Variants in NEK10 observed in about 807,000 individuals in gnomAD.
The protein encoded by NEK10 is NIMA related kinase 10, also known as serine/threonine-protein kinase Nek10.
Under a neutral mutation model 159.8 loss-of-function variants are expected in NEK10, and 122 were observed. That is an observed-to-expected ratio of 0.76 (90% CI 0.66 to 0.89). The LOEUF is 0.89. Among genes scored for constraint, NEK10 ranks in the 40% least tolerant of loss-of-function variants. NEK10 has a pLI of 0.00. For synonymous variants in NEK10, 466 were observed against 457.1 expected, an observed-to-expected ratio of 1.02 and a Z score of -0.25; for missense variants, 1,342 against 1,323.1, an observed-to-expected ratio of 1.01 and a Z score of -0.22.
chr3:27,325,944 T>C (rs1371004408), intron 5 of NEK10, among the ~76,000 whole-genome samples: 2 of 152,172 alleles, frequency 1.3e-5, no homozygotes, highest in African/African-American at 4.8e-5. Flanking sequence ...GACCCCTTTT[T>C]GCCAAGGGGA....
intron 6 of NEK10, among the ~76,000 whole-genome samples, chr3:27,321,645 C>T (rs2045647566): frequency 6.6e-6 from 1 of 152,166 alleles, no homozygotes; most frequent in South Asian, 2.1e-4. Context: ...CCATGCCCAA[C>T]CAGGAAAAGA....
chr3:27,136,145 C>T (rs1284204801), intron 31 of NEK10, among the ~76,000 whole-genome samples: 2 of 111,688 alleles, frequency 1.8e-5, no homozygotes, highest in South Asian at 3.1e-4. Flanking sequence ...TAGAGTCTTG[C>T]TCTGTCACCC....
At chr3:27,254,281 G>A (rs981054625) in intron 23 of NEK10, among the ~76,000 whole-genome samples, 2 of 152,050 alleles carry the variant, frequency 1.3e-5, no homozygotes, top group South Asian at 4.1e-4. Context: ...GTAGCCCAGA[G>A]AAGCCAAAAG....
intron 23 of NEK10, among the ~76,000 whole-genome samples, chr3:27,242,567 C>T (rs867354113): frequency 6.6e-6 from 1 of 152,216 alleles, no homozygotes; most frequent in Non-Finnish European, 1.5e-5. Context: ...GTCCTGTTGG[C>T]TCCTAGGGGA....
chr3:27,133,046 G>T (rs1166629180), intron 31 of NEK10, among the ~76,000 whole-genome samples: 2 of 152,150 alleles, frequency 1.3e-5, no homozygotes, highest in African/African-American at 2.4e-5. Context: ...AAAATGATGT[G>T]TGTCACTCTG....
At chr3:27,230,983 G>A (rs1466579633) in intron 23 of NEK10, among the ~76,000 whole-genome samples, 1 of 151,860 alleles carries the variant, frequency 6.6e-6, no homozygotes, top group Non-Finnish European at 1.5e-5. Context: ...AAGAAATGGT[G>A]GACTTAAACT....
chr3:27,198,204 C>G (rs1949726901), intron 25 of NEK10, among the ~76,000 whole-genome samples: 1 of 151,690 alleles, frequency 6.6e-6, no homozygotes. Context: ...CAATACTGCC[C>G]AAAGCAACTT....
At chr3:27,231,669 A>T (rs1471447936) in intron 23 of NEK10, among the ~76,000 whole-genome samples, 2 of 152,010 alleles carry the variant, frequency 1.3e-5, no homozygotes, top group Non-Finnish European at 2.9e-5. Flanking sequence ...AGACATTACA[A>T]CCAATACCAC....
At chr3:27,296,552 C>T (rs911687244) in intron 14 of NEK10, among the ~76,000 whole-genome samples, 2 of 152,114 alleles carry the variant, frequency 1.3e-5, no homozygotes, top group Admixed American at 1.3e-4. Flanking sequence ...TGTAATGACA[C>T]AACCAAAAAT....
chr3:27,296,772 A>G (rs957449177), intron 14 of NEK10, among the ~76,000 whole-genome samples: 2 of 152,188 alleles, frequency 1.3e-5, no homozygotes, highest in Admixed American at 6.5e-5. Flanking sequence ...GTTTCTTGGC[A>G]ATAAATATTT....
intron 35 of NEK10, among the ~76,000 whole-genome samples, chr3:27,112,258 T>C (rs985269266): frequency 4.6e-5 from 7 of 152,180 alleles, no homozygotes; most frequent in Non-Finnish European, 1.0e-4. Context: ...AGTCTGAAAA[T>C]GGCACCTCTC....
Position 27,111,122 on chromosome 3 carries a change from C to A in NEK10, c.*150G>T, listed in dbSNP as rs1302818822. On this transcript the variant is annotated 3_prime_UTR_variant, in exon 36 of 36. Coordinates refer to ENST00000691995, the MANE Select transcript of NEK10 (RefSeq NM_001394966.1). The stretch of plus-strand genomic sequence containing the variant: ...GCTGTCATATACTCCAGCACAGGAC[C>A]CCCAGAAAGAAGTCCTGCAGGCCCC... 1.6e-6 allele frequency: 1 copy of A among 612,586 alleles called. No individual in the cohort carries two copies. Among genetic ancestry groups the A allele is most frequent in the Non-Finnish European group, 2.8e-6 (1 of 352,418 alleles). 37.9% of individuals were successfully genotyped at this position (612,586 alleles called of 1,614,324 possible). A position where few individuals can be genotyped will look rare whatever the true frequency, so the allele number is the denominator to read the frequency against.
intron 23 of NEK10, among the ~76,000 whole-genome samples, chr3:27,235,295 C>T (rs1359069731): frequency 6.6e-6 from 1 of 152,104 alleles, no homozygotes; most frequent in African/African-American, 2.4e-5. Context: ...AGCTTCTGTA[C>T]AGCAAAAGAA....
At chr3:27,118,739 T>C (rs932868163) in intron 33 of NEK10, among the ~76,000 whole-genome samples, 8 of 152,234 alleles carry the variant, frequency 5.3e-5, no homozygotes, top group Non-Finnish European at 1.0e-4. Context: ...GTCTTGGAAA[T>C]GATTTTAAAA....
At chr3:27,174,600 A>T in intron 27 of NEK10, 50 bp downstream of exon 27, 5 of 1,597,140 alleles carry the variant, frequency 3.1e-6, no homozygotes, top group Non-Finnish European at 8.5e-7. Context: ...ATTCATGTTG[A>T]CACACTGCCA....
rs192628337 is a variant in NEK10 at position 27,297,664 on chromosome 3, G to A, written c.1169-424C>T. Among the ~76,000 whole-genome samples, 7 of 152,328 alleles carry A rather than the reference G, an allele frequency of 4.6e-5. No homozygotes were observed. The South Asian group carries it at 6.2e-4, about 14-fold the overall frequency. ...AATCCTTATAATAAGAGTATGCACTGTGATTACCACTGTTACTGGTGAGAA... is the reference window on the plus strand; with the variant it reads ...AATCCTTATAATAAGAGTATGCACTATGATTACCACTGTTACTGGTGAGAA... On this transcript the variant is annotated intron_variant, in intron 13 of 35. Coordinates refer to ENST00000691995, the MANE Select transcript of NEK10 (RefSeq NM_001394966.1).
intron 5 of NEK10, among the ~76,000 whole-genome samples, chr3:27,340,055 C>G (rs1233853341): frequency 1.3e-5 from 2 of 152,118 alleles, no homozygotes; most frequent in Non-Finnish European, 2.9e-5. Flanking sequence ...GACACATGCA[C>G]ATATATGTTT....
At chr3:27,353,331 A>G (rs918979082) in intron 1 of NEK10, among the ~76,000 whole-genome samples, 1 of 152,186 alleles carries the variant, frequency 6.6e-6, no homozygotes, top group East Asian at 1.9e-4. Flanking sequence ...AAATTTTCCA[A>G]CTGTGCTTCA....
chr3:27,187,995 T>C (rs1488323919), intron 26 of NEK10, among the ~76,000 whole-genome samples: 1 of 152,322 alleles, frequency 6.6e-6, no homozygotes, highest in South Asian at 2.1e-4. Flanking sequence ...CCTGGGGCTG[T>C]CCCTAACTAG....
Sources: gnomAD v4.1 joint callset for allele counts (sites outside exome capture counted in the v4.1 genomes callset) on GRCh38, gnomAD v4.1.1 for gene constraint, MANE v1.5 for transcripts, NCBI Gene and HGNC (gene_info 2026-07-23, HGNC 2026-07-21) for gene names.